Variants in DNAH3 observed in about 807,000 individuals in gnomAD.
DNAH3 encodes dynein axonemal heavy chain 3.
Under a neutral mutation model 432.5 loss-of-function variants are expected in DNAH3, and 332 were observed. The ratio of observed to expected loss-of-function variants is 0.77; its 90% CI spans 0.70 to 0.84. The LOEUF (loss-of-function observed/expected upper bound fraction) is 0.84, where lower values mean the gene tolerates loss of function less well. Ranked by LOEUF, DNAH3 falls within the 40% of genes least tolerant of loss-of-function variation. The pLI, the probability that DNAH3 is intolerant of heterozygous loss-of-function variation, is 0.00. For missense variants in DNAH3, 4,861 were observed against 5,114.0 expected (o/e 0.95, Z 1.51); for synonymous variants, 1,956 against 1,900.2 (o/e 1.03, Z -0.76).
At chr16:21,039,707 T>C in intron 33 of DNAH3, 145 bp downstream of exon 33, 3 of 728,318 alleles carry the variant, frequency 4.1e-6, no homozygotes, top group Non-Finnish European at 4.9e-6. Flanking sequence ...GCCAGGGCTA[T>C]GTGCTCTCAG....
chr16:20,975,106 C>T, intron 51 of DNAH3, 127 bp downstream of exon 51: 3 of 1,104,566 alleles, frequency 2.7e-6, no homozygotes, highest in Non-Finnish European at 3.9e-6. Context: ...GCTGGGATTA[C>T]AGCTGTGAGC....
At chr16:20,979,307 T>C in intron 50 of DNAH3, 23 bp downstream of exon 50, 2 of 1,612,252 alleles carry the variant, frequency 1.2e-6, no homozygotes, top group Admixed American at 3.3e-5. Context: ...TCTTTGTCTC[T>C]GTTCTGTTTT....
chr16:21,130,091 G>GAAAAAAAAAA (rs58706051), intron 7 of DNAH3: 23 of 79,088 alleles, frequency 2.9e-4, no homozygotes, highest in African/African-American at 5.9e-4. Flanking sequence ...CTAAATAAAT[G>GAAAAAAAAAA]AAAAAAAAAA....
rs890194467 is a variant in DNAH3 at position 21,063,479 on chromosome 16, TTTTTA to T, written c.3519-801_3519-797del. Among the ~76,000 whole-genome samples, 11 of 150,042 alleles carry T rather than the reference TTTTTA, an allele frequency of 7.3e-5. No homozygotes were observed. In the East Asian group the frequency reaches 7.8e-4, roughly 11 times the overall value. ...CCACCTTTTATTTATTTTATTTATT[TTTTTA>T]TTTTATTTTATTTTATTATTTTATA... On this transcript the variant is annotated intron_variant, in intron 24 of 61. Coordinates refer to ENST00000261383, the Ensembl canonical transcript of DNAH3.
intron 37 of DNAH3, among the ~76,000 whole-genome samples, chr16:21,030,821 T>C (rs1320124812): frequency 6.6e-6 from 1 of 152,182 alleles, no homozygotes; most frequent in Admixed American, 6.5e-5. Context: ...AGGCTCACTA[T>C]TCAACGTGGT....
At chr16:21,154,463 G>C (rs1438819766) in intron 1 of DNAH3, among the ~76,000 whole-genome samples, 3 of 152,086 alleles carry the variant, frequency 2.0e-5, no homozygotes, top group Non-Finnish European at 4.4e-5. Context: ...TGGCCTGTGT[G>C]TGAGTAGGAG....
In DNAH3 at chr16:21,031,259, TC is replaced by T. The variant is rs746968892; in HGVS notation, c.5224del (p.Glu1742SerfsTer22). The T allele has an allele frequency of 6.2e-7, 1 of 1,614,136 alleles. No individual in the cohort carries two copies. Among genetic ancestry groups the T allele is most frequent in the Non-Finnish European group, 8.5e-7 (1 of 1,180,022 alleles). ...AGCCTTGGGGTTGATGATCTTGTAC[TC>T]CACAGCAAACTCCTCCATCTGATTG... is the stretch of plus-strand genomic sequence containing the variant. On this transcript the variant is annotated frameshift_variant, in exon 37 of 62. Coordinates refer to ENST00000261383, the Ensembl canonical transcript of DNAH3. LOFTEE classifies it high-confidence loss of function.
intron 56 of DNAH3, among the ~76,000 whole-genome samples, chr16:20,949,446 T>C (rs1395614974): frequency 1.3e-5 from 2 of 152,146 alleles, no homozygotes; most frequent in African/African-American, 2.4e-5. Context: ...AATTGTTCTA[T>C]TTTATTACTG....
intron 12 of DNAH3, among the ~76,000 whole-genome samples, chr16:21,113,461 T>TTTA (rs2092119104): frequency 3.4e-5 from 5 of 149,018 alleles, no homozygotes; most frequent in African/African-American, 1.3e-4. Context: ...TCTTTAATTT[T>TTTA]ATTTTATTTT....
chr16:21,058,160 G>A lies in DNAH3; in HGVS notation c.3850C>T (p.Gln1284Ter). ...ATGGAGGAGACACAGATAACCACCT[G>A]TCCAGGCCACTGTAAGACCCAGTGA... Residue 1284 changes from glutamine (Q) to a stop codon, truncating the protein, a stop_gained, in exon 27 of 62, where the codon CAG (glutamine) becomes TAG (stop). Transcript: ENST00000261383. LOFTEE classifies it high-confidence loss of function. The A allele has an allele frequency of 6.2e-7, 1 of 1,613,864 alleles. No homozygotes were observed. The highest frequency in any genetic ancestry group is 1.1e-5 in the South Asian group (1 of 91,080).
intron 16 of DNAH3, 73 bp downstream of exon 16, chr16:21,104,398 A>C: frequency 7.3e-7 from 1 of 1,374,946 alleles, no homozygotes; most frequent in Non-Finnish European, 1.0e-6. Flanking sequence ...TGGCTTAGAC[A>C]GAACCAGGAA....
At chr16:21,068,208 C>G (rs1037870235) in intron 23 of DNAH3, among the ~76,000 whole-genome samples, 5 of 152,112 alleles carry the variant, frequency 3.3e-5, no homozygotes, top group Non-Finnish European at 5.9e-5. Context: ...AGTGAACTTA[C>G]CATCCTTCAA....
At chr16:21,131,824 A>C (rs1257044327) in intron 7 of DNAH3, among the ~76,000 whole-genome samples, 1 of 146,330 alleles carries the variant, frequency 6.8e-6, no homozygotes, top group Non-Finnish European at 1.5e-5. Flanking sequence ...ATTGCACTCC[A>C]GCCTGGGCAA....
intron 60 of DNAH3, among the ~76,000 whole-genome samples, chr16:20,935,859 AG>A (rs987366408): frequency 1.3e-5 from 2 of 151,166 alleles, no homozygotes. Flanking sequence ...AAAAAAAAAA[AG>A]CCCAGGTGCA....
intron 44 of DNAH3, among the ~76,000 whole-genome samples, chr16:20,989,333 G>C (rs2086415724): frequency 1.3e-5 from 2 of 151,780 alleles, no homozygotes; most frequent in African/African-American, 4.9e-5. Context: ...GCTAGATACA[G>C]AGTGTTGATT....
At chr16:20,958,432 A>G (rs991956019) in intron 54 of DNAH3, among the ~76,000 whole-genome samples, 6 of 152,132 alleles carry the variant, frequency 3.9e-5, no homozygotes, top group Non-Finnish European at 8.8e-5. Flanking sequence ...CATTGAATCT[A>G]CCTTTCCAGC....
At chr16:21,034,266 T>C (rs990140524) in intron 35 of DNAH3, among the ~76,000 whole-genome samples, 181 bp from the exon 36 acceptor site, 9 of 152,218 alleles carry the variant, frequency 5.9e-5, no homozygotes, top group African/African-American at 2.2e-4. Context: ...CGAAAAAATA[T>C]ATGTGTGTGT....
At chr16:21,105,442 C>T (rs1055595831) in intron 15 of DNAH3, among the ~76,000 whole-genome samples, 2 of 152,144 alleles carry the variant, frequency 1.3e-5, no homozygotes, top group South Asian at 4.1e-4. Flanking sequence ...AAAAGTGTCT[C>T]GGCCTCTTCA....
chr16:21,142,032 G>A (rs184184339), intron 3 of DNAH3, among the ~76,000 whole-genome samples: 23 of 151,262 alleles, frequency 1.5e-4, no homozygotes, highest in African/African-American at 5.3e-4. Flanking sequence ...CATACTGGGC[G>A]ACAGAGTGAG....
Sources: allele counts gnomAD v4.1 joint callset (sites outside exome capture counted in the v4.1 genomes callset), GRCh38; gene constraint gnomAD v4.1.1; transcripts MANE v1.5; gene names NCBI Gene and HGNC (gene_info 2026-07-23, HGNC 2026-07-21).